The following CNTNAP2 variants were observed in gnomAD, a reference collection of about 807,000 sequenced individuals.
The protein encoded by CNTNAP2 is contactin associated protein 2.
In CNTNAP2, 98 loss-of-function variants were observed where a neutral mutation model predicts 155.2. That is an observed-to-expected ratio of 0.63 (90% CI 0.54 to 0.75). The LOEUF is 0.75. Ranked by LOEUF, CNTNAP2 falls within the 30% of genes least tolerant of loss-of-function variation. The pLI is 0.00. For missense variants in CNTNAP2, 1,727 were observed against 1,688.1 expected (o/e 1.02, Z -0.40); for synonymous variants, 651 against 631.2 (o/e 1.03, Z -0.47).
At chr7:146,376,711 C>T (rs1584896181) in intron 1 of CNTNAP2, among the ~76,000 whole-genome samples, 1 of 152,138 alleles carries the variant, frequency 6.6e-6, no homozygotes, top group African/African-American at 2.4e-5. Flanking sequence ...ATCCAAATCT[C>T]TATTGTTGTA....
chr7:147,104,873 C>CATATATATATATAT (rs56674675), intron 4 of CNTNAP2, among the ~76,000 whole-genome samples: 1 of 101,410 alleles, frequency 9.9e-6, no homozygotes, highest in Non-Finnish European at 2.1e-5. Flanking sequence ...CTTCCTCCCT[C>CATATATATATATAT]ATATATATAT....
At chr7:146,688,091 C>T (rs1382441748) in intron 1 of CNTNAP2, among the ~76,000 whole-genome samples, 20 of 152,058 alleles carry the variant, frequency 1.3e-4, no homozygotes, top group Non-Finnish European at 1.5e-5. Flanking sequence ...TAGTATTGAC[C>T]CCACATGGAG....
At chr7:146,755,057 G>A (rs1052741392) in intron 1 of CNTNAP2, among the ~76,000 whole-genome samples, 2 of 151,848 alleles carry the variant, frequency 1.3e-5, no homozygotes, top group African/African-American at 4.8e-5. Flanking sequence ...GTCTTTGGTG[G>A]TATTTTAGGG....
intron 8 of CNTNAP2, among the ~76,000 whole-genome samples, chr7:147,160,928 T>G (rs1363029137): frequency 6.6e-6 from 1 of 152,154 alleles, no homozygotes; most frequent in African/African-American, 2.4e-5. Context: ...GCTTACTAAA[T>G]AAATTTGGAT....
intron 1 of CNTNAP2, among the ~76,000 whole-genome samples, chr7:146,560,450 GTA>G (rs979950312): frequency 6.6e-6 from 1 of 151,814 alleles, no homozygotes. Flanking sequence ...TGTTATATGT[GTA>G]TATATATGTG....
In CNTNAP2 at chr7:146,183,356, T is replaced by C. The variant is rs115841260; in HGVS notation, c.97+66383T>C. ...ACCCTTCATTGGTCCCAAACTCTTCTCTCTGAATATTGATGAGAAGATACC... is the reference window on the plus strand; with the variant it reads ...ACCCTTCATTGGTCCCAAACTCTTCCCTCTGAATATTGATGAGAAGATACC... On this transcript the variant is annotated intron_variant, in intron 1 of 23. Transcript: ENST00000361727. Among the ~76,000 whole-genome samples the C allele has an allele frequency of 5.2e-3, 797 of 152,154 alleles. 6 individuals carry two copies. The highest frequency in any genetic ancestry group is 0.018 in the African/African-American group (754 of 41,512).
chr7:147,775,310 AATATAT>A lies in CNTNAP2; in HGVS notation c.2099-128248_2099-128243del, dbSNP rs1162945690. Among the ~76,000 whole-genome samples, 24 of 47,576 alleles carry A rather than the reference AATATAT, an allele frequency of 5.0e-4. 2 individuals are homozygous for A. The highest frequency in any genetic ancestry group is 1.5e-3 in the African/African-American group (15 of 10,074). The allele number at this position is 47,576 out of a possible 152,430, so 31.2% of individuals were successfully genotyped here. Reference sequence around the variant, plus strand: ...ATATATATATTTATATATATTTATAAATATATATATATTTATATATATTTATAAATA... The same window carrying A: ...ATATATATATTTATATATATTTATAAATATATTTATATATATTTATAAATA... On this transcript the variant is annotated intron_variant, in intron 13 of 23. Coordinates refer to ENST00000361727, the MANE Select transcript of CNTNAP2 (RefSeq NM_014141.6).
chr7:146,928,792 C>T lies in CNTNAP2; in HGVS notation c.402+88888C>T, dbSNP rs191288134. Among the ~76,000 whole-genome samples the T allele has an allele frequency of 1.6e-4, 24 of 152,336 alleles. No individual in the cohort carries two copies. The East Asian group carries it at 4.3e-3, about 27-fold the overall frequency. On this transcript the variant is annotated intron_variant, in intron 3 of 23. Coordinates refer to ENST00000361727, the MANE Select transcript of CNTNAP2 (RefSeq NM_014141.6). Reference sequence around the variant, plus strand: ...GTGCACCAGGAGATTATATCCCGCACCTGGCTCGGAGGGTCCTACGCCCAC... The same window carrying T: ...GTGCACCAGGAGATTATATCCCGCATCTGGCTCGGAGGGTCCTACGCCCAC...
At chr7:146,151,686 A>ATATATATATG (rs1562969088) in intron 1 of CNTNAP2, among the ~76,000 whole-genome samples, 17 of 54,708 alleles carry the variant, frequency 3.1e-4, no homozygotes, top group African/African-American at 1.7e-3. Flanking sequence ...ATATATGTAT[A>ATATATATATG]TATATATATA....
chr7:146,507,517 G>A (rs566261121), intron 1 of CNTNAP2, among the ~76,000 whole-genome samples: 39 of 152,278 alleles, frequency 2.6e-4, no homozygotes, highest in Non-Finnish European at 4.9e-4. Context: ...GCCAAATGGA[G>A]CACAAATGCT....
intron 12 of CNTNAP2, among the ~76,000 whole-genome samples, chr7:147,602,030 A>G (rs1352083629): frequency 6.6e-6 from 1 of 152,114 alleles, no homozygotes; most frequent in Non-Finnish European, 1.5e-5. Flanking sequence ...TGTTAATAAT[A>G]TTTTATAATT....
At chr7:146,919,880 G>A (rs374187466) in intron 3 of CNTNAP2, among the ~76,000 whole-genome samples, 66 of 152,256 alleles carry the variant, frequency 4.3e-4, no homozygotes, top group Middle Eastern at 3.4e-3. Flanking sequence ...AGTTCTTGGA[G>A]CACAAGTTTA....
intron 13 of CNTNAP2, among the ~76,000 whole-genome samples, chr7:147,773,648 G>GC (rs1169955299): frequency 3.3e-5 from 5 of 152,036 alleles, no homozygotes; most frequent in African/African-American, 4.8e-5. Flanking sequence ...ATAAATTCAA[G>GC]CCCTAATCTC....
chr7:146,151,672 A>ACG (rs1798048693), intron 1 of CNTNAP2, among the ~76,000 whole-genome samples: 1 of 41,818 alleles, frequency 2.4e-5, no homozygotes, highest in Non-Finnish European at 4.6e-5. Context: ...ATATATATAT[A>ACG]TATATATATG....
intron 3 of CNTNAP2, among the ~76,000 whole-genome samples, chr7:146,980,067 G>A (rs1797984421): frequency 1.3e-5 from 2 of 152,118 alleles, no homozygotes; most frequent in South Asian, 4.1e-4. Context: ...TAGATTTGAA[G>A]TCATTGACGT....
chr7:146,261,429 C>T (rs1486842134), intron 1 of CNTNAP2, among the ~76,000 whole-genome samples: 1 of 151,470 alleles, frequency 6.6e-6, no homozygotes, highest in Non-Finnish European at 1.5e-5. Flanking sequence ...AACTATATCC[C>T]AAATACACAT....
intron 5 of CNTNAP2, among the ~76,000 whole-genome samples, chr7:147,113,666 C>T (rs771096243): frequency 2.0e-5 from 3 of 152,140 alleles, no homozygotes; most frequent in East Asian, 1.9e-4. Flanking sequence ...ACCCCCATGA[C>T]GTCCCTCCCC....
At chr7:147,592,414 A>G (rs773319390) in intron 12 of CNTNAP2, among the ~76,000 whole-genome samples, 4 of 152,012 alleles carry the variant, frequency 2.6e-5, no homozygotes, top group Non-Finnish European at 4.4e-5. Flanking sequence ...AAGCCTACAT[A>G]GCAAATTAAT....
chr7:147,709,643 C>A (rs1445549797), intron 13 of CNTNAP2, among the ~76,000 whole-genome samples: 1 of 152,144 alleles, frequency 6.6e-6, no homozygotes, highest in Non-Finnish European at 1.5e-5. Context: ...GCGTTTGATA[C>A]ATACCGAGCA....
Sources: gnomAD v4.1 joint callset for allele counts (sites outside exome capture counted in the v4.1 genomes callset) on GRCh38, gnomAD v4.1.1 for gene constraint, MANE v1.5 for transcripts, NCBI Gene and HGNC (gene_info 2026-07-23, HGNC 2026-07-21) for gene names.